The following C19orf47 variants were observed in gnomAD, a reference collection of about 807,000 sequenced individuals.
The protein encoded by C19orf47 is uncharacterized protein C19orf47.
In C19orf47, 18 loss-of-function variants were observed where a neutral mutation model predicts 32.3. The ratio of observed to expected loss-of-function variants is 0.56; its 90% CI spans 0.39 to 0.83. C19orf47 has a LOEUF of 0.83. Ranked by LOEUF, C19orf47 falls within the 40% of genes least tolerant of loss-of-function variation. C19orf47 has a pLI of 0.00. For missense variants in C19orf47, 484 were observed against 531.6 expected, an observed-to-expected ratio of 0.91 and a Z score of 0.88; for synonymous variants, 202 against 211.1, an observed-to-expected ratio of 0.96 and a Z score of 0.37.
the C19orf47 span, among the ~76,000 whole-genome samples, chr19:40,305,342 CAA>C: frequency 1.1e-4 from 13 of 119,492 alleles, no homozygotes; most frequent in Admixed American, 8.8e-5. Flanking sequence ...GACTCTGTCT[CAA>C]AAAAAAAAAA....
intron 1 of C19orf47, among the ~76,000 whole-genome samples, chr19:40,344,841 C>A (rs1263340256): frequency 6.6e-6 from 1 of 152,166 alleles, no homozygotes; most frequent in Non-Finnish European, 1.5e-5. Context: ...CTCAGTCGCT[C>A]CTCACAACCA....
chr19:40,293,043 C>A, the C19orf47 span, among the ~76,000 whole-genome samples: 2 of 152,190 alleles, frequency 1.3e-5, no homozygotes, highest in Admixed American at 6.6e-5. Context: ...CCAAGCCCCT[C>A]TTCTTTTCTG....
the C19orf47 span, among the ~76,000 whole-genome samples, chr19:40,302,703 G>T: frequency 6.6e-6 from 1 of 152,154 alleles, no homozygotes; most frequent in African/African-American, 2.4e-5. Flanking sequence ...CTAGTTCATT[G>T]TTGTGGAGGG....
chr19:40,332,333 C>A (rs1462242569), intron 5 of C19orf47, among the ~76,000 whole-genome samples: 1 of 149,944 alleles, frequency 6.7e-6, no homozygotes, highest in African/African-American at 2.5e-5. Flanking sequence ...CCAACGTAGG[C>A]AACACAGCGA....
At chr19:40,346,761 C>G (rs913209398) in intron 1 of C19orf47, among the ~76,000 whole-genome samples, 1 of 151,846 alleles carries the variant, frequency 6.6e-6, no homozygotes, top group East Asian at 2.0e-4. Flanking sequence ...CTCCTGACCT[C>G]GTGATCCGCC....
intron 4 of C19orf47, among the ~76,000 whole-genome samples, chr19:40,335,608 A>ATT (rs546028873): frequency 3.6e-5 from 5 of 139,188 alleles, no homozygotes; most frequent in Non-Finnish European, 3.1e-5. Flanking sequence ...ACCATTCAAG[A>ATT]TTTTTTTTTT....
chr19:40,298,203 A>T, the C19orf47 span, among the ~76,000 whole-genome samples: 1 of 151,882 alleles, frequency 6.6e-6, no homozygotes, highest in Non-Finnish European at 1.5e-5. Context: ...TTTCAACAAC[A>T]ATCGTGCTTT....
the C19orf47 span, among the ~76,000 whole-genome samples, chr19:40,312,105 T>C: frequency 6.6e-6 from 1 of 152,228 alleles, no homozygotes; most frequent in Non-Finnish European, 1.5e-5. Flanking sequence ...ATGACCACAA[T>C]GCGAGTTCTC....
At chr19:40,299,462 T>C in the C19orf47 span, 1 of 152,224 alleles carries the variant, frequency 6.6e-6, no homozygotes, top group African/African-American at 2.4e-5. Flanking sequence ...TTTCCTTTTT[T>C]CTTTTCTTAA....
chr19:40,316,540 G>T (rs1031557881), downstream of C19orf47, among the ~76,000 whole-genome samples: 13 of 152,144 alleles, frequency 8.5e-5, no homozygotes, highest in Non-Finnish European at 1.5e-4. Flanking sequence ...AGTACTTCCT[G>T]GCACACAGGT....
chr19:40,345,755 T>C (rs1437608788), intron 1 of C19orf47, among the ~76,000 whole-genome samples: 6 of 88,260 alleles, frequency 6.8e-5, no homozygotes, highest in Admixed American at 5.5e-4. Context: ...GGTGGGAGAA[T>C]CGCTTCAACC....
At chr19:40,299,390 G>A in the C19orf47 span, 1 of 152,010 alleles carries the variant, frequency 6.6e-6, no homozygotes, top group Admixed American at 6.6e-5. Context: ...AATCACTCTG[G>A]TAACCAGACT....
chr19:40,325,228 C>T (rs1402094289), intron 7 of C19orf47, among the ~76,000 whole-genome samples: 1 of 151,668 alleles, frequency 6.6e-6, no homozygotes. Flanking sequence ...CAAGATTGTG[C>T]CACTGCACTC....
chr19:40,297,167 C>CA, the C19orf47 span, among the ~76,000 whole-genome samples: 3 of 151,984 alleles, frequency 2.0e-5, no homozygotes, highest in East Asian at 1.9e-4. Context: ...TTCTGACTTA[C>CA]AAAAAAAATT....
At chr19:40,310,441 G>A in the C19orf47 span, among the ~76,000 whole-genome samples, 2 of 152,142 alleles carry the variant, frequency 1.3e-5, no homozygotes, top group East Asian at 3.8e-4. Context: ...ACCACACCCC[G>A]CTAATTTTTG....
chr19:40,348,402 G>C (rs544955999), upstream of C19orf47: 2 of 1,343,934 alleles, frequency 1.5e-6, no homozygotes, highest in South Asian at 1.3e-5. Flanking sequence ...CTCCTCCCCC[G>C]GCCCGGGCTG....
chr19:40,334,799 C>G (rs2078025194), intron 4 of C19orf47: 1 of 151,948 alleles, frequency 6.6e-6, no homozygotes, highest in African/African-American at 2.4e-5. Context: ...GTAATCCCAG[C>G]TACTCAGGAG....
chr19:40,331,702 G>A (rs1050691757), intron 5 of C19orf47, among the ~76,000 whole-genome samples: 16 of 152,124 alleles, frequency 1.1e-4, no homozygotes, highest in Non-Finnish European at 2.2e-4. Context: ...TATCAGCAAA[G>A]GGAAGCTAAT....
At chr19:40,324,209 G>A in intron 7 of C19orf47, 133 bp from the exon 8 acceptor site, 1 of 852,226 alleles carries the variant, frequency 1.2e-6, no homozygotes, top group Non-Finnish European at 2.0e-6. Flanking sequence ...TGAGTTGGGT[G>A]TTATGTCTAC....
Sources: allele counts gnomAD v4.1 joint callset (sites outside exome capture counted in the v4.1 genomes callset), GRCh38; gene constraint gnomAD v4.1.1; transcripts MANE v1.5; gene names NCBI Gene and HGNC (gene_info 2026-07-23, HGNC 2026-07-21).